Variants in GRM8 observed in about 807,000 individuals in gnomAD.
GRM8 encodes the protein metabotropic glutamate receptor 8.
GRM8 carries 47 observed loss-of-function variants against 87.2 expected under a neutral mutation model. That is an observed-to-expected ratio of 0.54 (90% CI 0.43 to 0.69). The LOEUF (loss-of-function observed/expected upper bound fraction) is 0.69. Ranked by LOEUF, GRM8 falls within the 30% of genes least tolerant of loss-of-function variation. The probability of loss-of-function intolerance (pLI) is 0.00; values close to 1 mark genes in which losing one functional copy is unlikely to be tolerated. For missense variants in GRM8, 1,019 were observed against 1,139.2 expected (o/e 0.89, Z 1.52); for synonymous variants, 396 against 404.5 (o/e 0.98, Z 0.25).
chr7:126,883,275 G>C (rs573712513), intron 6 of GRM8, among the ~76,000 whole-genome samples: 66 of 152,288 alleles, frequency 4.3e-4, no homozygotes, highest in African/African-American at 1.4e-3. Context: ...AGAATGTTCA[G>C]CCTCATTTTA....
chr7:127,084,383 C>T (rs184892713), intron 3 of GRM8: 19 of 152,326 alleles, frequency 1.2e-4, no homozygotes, highest in Admixed American at 3.9e-4. Context: ...ATGTAGTCCT[C>T]TTGCTATCTC....
At chr7:127,208,370 T>C (rs559642583) in intron 2 of GRM8, among the ~76,000 whole-genome samples, 222 of 152,244 alleles carry the variant, frequency 1.5e-3, no homozygotes, top group Middle Eastern at 6.8e-3. Flanking sequence ...GTTCCACCCC[T>C]TCCTCCCTCA....
At chr7:126,616,107 T>C (rs572877839) in intron 7 of GRM8, among the ~76,000 whole-genome samples, 2 of 152,262 alleles carry the variant, frequency 1.3e-5, no homozygotes, top group Admixed American at 1.3e-4. Flanking sequence ...TATTCCAAAA[T>C]TGACCACATA....
intron 3 of GRM8, among the ~76,000 whole-genome samples, chr7:127,014,830 T>C (rs1815240332): frequency 6.6e-6 from 1 of 151,450 alleles, no homozygotes; most frequent in Non-Finnish European, 1.5e-5. Context: ...TCAACTTAAG[T>C]GTGGCCTTCC....
intron 3 of GRM8, among the ~76,000 whole-genome samples, chr7:126,986,691 G>A (rs1420418930): frequency 6.6e-6 from 1 of 152,128 alleles, no homozygotes; most frequent in Non-Finnish European, 1.5e-5. Context: ...AGATCATAGT[G>A]AATCAATGTT....
chr7:127,223,433 ACACACACACG>A (rs1265347893), intron 2 of GRM8, among the ~76,000 whole-genome samples: 12 of 91,262 alleles, frequency 1.3e-4, no homozygotes, highest in African/African-American at 7.3e-4. Flanking sequence ...AACACACCAC[ACACACACACG>A]CACACACACA....
chr7:127,032,857 G>A (rs1307284810), intron 3 of GRM8, among the ~76,000 whole-genome samples: 1 of 151,688 alleles, frequency 6.6e-6, no homozygotes, highest in African/African-American at 2.4e-5. Context: ...TTGCTTTTTT[G>A]TTGTTGTTAT....
At chr7:126,654,791 T>C (rs1804317035) in intron 7 of GRM8, among the ~76,000 whole-genome samples, 1 of 152,180 alleles carries the variant, frequency 6.6e-6, no homozygotes, top group Admixed American at 6.5e-5. Flanking sequence ...CTAGGGAAGC[T>C]GAGCAGGCAA....
intron 9 of GRM8, among the ~76,000 whole-genome samples, chr7:126,463,676 A>G (rs891256834): frequency 6.6e-6 from 1 of 151,682 alleles, no homozygotes; most frequent in Non-Finnish European, 1.5e-5. Context: ...TTTATAGGAA[A>G]GGAAGTCTAT....
At position 126,887,430 on chromosome 7, in the gene GRM8, A is replaced by G. The variant is rs547925771; in HGVS notation, c.1156+15112T>C. On this transcript the variant is annotated intron_variant, in intron 6 of 10. Coordinates refer to ENST00000339582, the MANE Select transcript of GRM8 (RefSeq NM_000845.3). ...GAAATCCTGGAGTTCCTGTGTGCTT[A>G]GGAAGTTATCAGAAACAGAACATGT... is the stretch of plus-strand genomic sequence containing the variant. Among the ~76,000 whole-genome samples, 3 of 152,218 alleles carry G rather than the reference A, an allele frequency of 2.0e-5. No individual in the cohort carries two copies. In the South Asian group the frequency reaches 6.2e-4, roughly 32 times the overall value.
intron 9 of GRM8, among the ~76,000 whole-genome samples, chr7:126,489,216 G>T (rs1297920921): frequency 6.6e-6 from 1 of 151,584 alleles, no homozygotes. Context: ...TTTAAATGAC[G>T]TATTTTATGA....
chr7:126,861,483 T>C (rs1314144526), intron 6 of GRM8, among the ~76,000 whole-genome samples: 1 of 152,036 alleles, frequency 6.6e-6, no homozygotes, highest in African/African-American at 2.4e-5. Flanking sequence ...CCCTCTAAAG[T>C]AGTTTGACCA....
chr7:127,167,702 G>C (rs920913842), intron 2 of GRM8, among the ~76,000 whole-genome samples: 2 of 152,010 alleles, frequency 1.3e-5, no homozygotes, highest in African/African-American at 4.8e-5. Context: ...AATAAGTTTT[G>C]TGTGTGTCAT....
chr7:126,779,606 A>G (rs947772661), intron 6 of GRM8, among the ~76,000 whole-genome samples: 12 of 152,168 alleles, frequency 7.9e-5, no homozygotes, highest in African/African-American at 2.7e-4. Context: ...GCTAACATAG[A>G]GTCTGTTTAT....
intron 3 of GRM8, among the ~76,000 whole-genome samples, chr7:127,096,299 C>A (rs772911098): frequency 2.6e-5 from 4 of 152,116 alleles, no homozygotes; most frequent in African/African-American, 7.2e-5. Context: ...GTGGTTCATG[C>A]CTGCAATGCC....
At chr7:126,868,271 G>C (rs1221766575) in intron 6 of GRM8, among the ~76,000 whole-genome samples, 1 of 152,204 alleles carries the variant, frequency 6.6e-6, no homozygotes, top group Non-Finnish European at 1.5e-5. Context: ...ACCCAACAGG[G>C]GCATCAGGAG....
chr7:126,813,671 C>T (rs1440297602), intron 6 of GRM8, among the ~76,000 whole-genome samples: 1 of 151,974 alleles, frequency 6.6e-6, no homozygotes, highest in African/African-American at 2.4e-5. Flanking sequence ...CCTCAAGAAC[C>T]CTTAACACCC....
chr7:126,921,108 T>C (rs1024105342), intron 3 of GRM8, among the ~76,000 whole-genome samples: 1 of 151,622 alleles, frequency 6.6e-6, no homozygotes, highest in Non-Finnish European at 1.5e-5. Context: ...ACAGAAGAGG[T>C]AAACTTAGAG....
In GRM8 at chr7:127,123,299, T is replaced by C. The variant is rs544704824; in HGVS notation, c.511-16587A>G. ...TCCCCTCCAAACCTCACGTTGAAAT[T>C]TCATCCCCAGTGTTGGAGGTGGGGC... is the stretch of plus-strand genomic sequence containing the variant. On this transcript the variant is annotated intron_variant, in intron 2 of 10. Coordinates refer to ENST00000339582, the MANE Select transcript of GRM8 (RefSeq NM_000845.3). 7.2e-5 allele frequency among the ~76,000 whole-genome samples: 11 copies of C among 152,270 alleles called. No individual in the cohort carries two copies. In the South Asian group the frequency reaches 2.3e-3, roughly 32 times the overall value.
Sources: allele counts gnomAD v4.1 joint callset (sites outside exome capture counted in the v4.1 genomes callset), GRCh38; gene constraint gnomAD v4.1.1; transcripts MANE v1.5; gene names NCBI Gene and HGNC (gene_info 2026-07-23, HGNC 2026-07-21).